The following DNAH2 variants were observed in gnomAD, a reference collection of about 807,000 sequenced individuals.
The protein encoded by DNAH2 is dynein axonemal heavy chain 2, also known as axonemal beta dynein heavy chain 2.
Under a neutral mutation model 523.5 loss-of-function variants are expected in DNAH2, and 323 were observed. The observed-to-expected ratio is 0.62, with a 90% CI of 0.56 to 0.68. DNAH2 has a LOEUF of 0.68. Ranked by LOEUF, DNAH2 falls within the 30% of genes least tolerant of loss-of-function variation. The pLI is 0.00. For synonymous variants in DNAH2, 2,093 were observed against 2,177.4 expected, an observed-to-expected ratio of 0.96 and a Z score of 1.08; for missense variants, 4,907 against 5,701.5, an observed-to-expected ratio of 0.86 and a Z score of 4.49.
In DNAH2 at chr17:7,833,380, C is replaced by T. The variant is rs2078250124; in HGVS notation, c.13131C>T (p.Gly4377=). 2 of 1,613,898 alleles carry T rather than the reference C, an allele frequency of 1.2e-6. No individual in the cohort carries two copies. Among genetic ancestry groups the T allele is most frequent in the African/African-American group, 2.7e-5 (2 of 74,940 alleles). The stretch of plus-strand genomic sequence containing the variant: ...GACTTCTCCTCTCCTTTCCCCCAGG[C>T]ATGTACTCCTGCCCCTGCTATTACT... ...PAESRKKSAK[G]MYSCPCYYYP... The change falls in exon 86 of 86, where the codon GGC becomes GGT. Residue 4377 remains glycine (G), a splice_region_variant and synonymous_variant. Coordinates refer to ENST00000572933, the MANE Select transcript of DNAH2 (RefSeq NM_020877.5).
At chr17:7,755,306 G>A (rs2075805696) in intron 12 of DNAH2, among the ~76,000 whole-genome samples, 1 of 150,092 alleles carries the variant, frequency 6.7e-6, no homozygotes, top group Non-Finnish European at 1.5e-5. Context: ...GAGTCACGGT[G>A]GTGCCAAGCT....
In DNAH2 at chr17:7,754,250, C is replaced by T. The variant is rs985953448; in HGVS notation, c.1905-2841C>T. On this transcript the variant is annotated intron_variant, in intron 12 of 85. Transcript: ENST00000572933. This position sits in a 1 kb window ranked among gnomAD's most constrained non-coding sequence, Gnocchi z 4.6. ...TTAATATTGTAGAAACTTGGCCAAACTTAAATGATGGGAAGGAACTAGTAG... is the reference window on the plus strand; with the variant it reads ...TTAATATTGTAGAAACTTGGCCAAATTTAAATGATGGGAAGGAACTAGTAG... The T allele has an allele frequency of 4.0e-6, 1 of 250,060 alleles. No individual in the cohort carries two copies. The highest frequency in any genetic ancestry group is 2.2e-5 in the African/African-American group (1 of 44,570). The allele number at this position is 250,060 out of a possible 1,614,324, so 15.5% of individuals were successfully genotyped here. A position where few individuals can be genotyped will look rare whatever the true frequency, so the allele number is the denominator to read the frequency against.
chr17:7,818,428 A>G lies in DNAH2; in HGVS notation c.10504A>G (p.Thr3502Ala), dbSNP rs777970637. 6.2e-7 allele frequency: 1 copy of G among 1,614,232 alleles called. No individual in the cohort carries two copies. The highest frequency in any genetic ancestry group is 8.5e-7 in the Non-Finnish European group (1 of 1,180,032). Residue 3502 changes from threonine to alanine, a missense_variant, in exon 69 of 86, where the codon ACC becomes GCC. By Grantham distance (58) the Thr-to-Ala change is moderately conservative. Transcript: ENST00000572933. ...CTACAGCCCAGAGACCTCAGCCAAG[A>G]CCACCATCGTCAACTTTGCTGTTAA... ...PHYSPETSAKTTIVNFAVKEQ... is the reference protein window; with the variant it reads ...PHYSPETSAKATIVNFAVKEQ...
At chr17:7,750,779 C>A (rs2075660405) in intron 12 of DNAH2, among the ~76,000 whole-genome samples, 1 of 151,892 alleles carries the variant, frequency 6.6e-6, no homozygotes, top group South Asian at 2.1e-4. Flanking sequence ...GAAAAAACAG[C>A]ATTTCTTCTT....
intron 33 of DNAH2, 96 bp from the exon 34 acceptor site, chr17:7,777,981 C>A: frequency 8.5e-7 from 1 of 1,173,002 alleles, no homozygotes; most frequent in Non-Finnish European, 1.3e-6. Context: ...TCACTGCAGC[C>A]TCCCTGACAA....
chr17:7,751,917 T>TGGGG lies in DNAH2; in HGVS notation c.1905-5173_1905-5170dup, dbSNP rs546310571. Among the ~76,000 whole-genome samples the TGGGG allele has an allele frequency of 1.5e-3, 116 of 75,484 alleles. 1 individual carries two copies. Among genetic ancestry groups the TGGGG allele is most frequent in the East Asian group, 0.015 (10 of 678 alleles). 49.5% of individuals were successfully genotyped at this position (75,484 alleles called of 152,430 possible). A position where few individuals can be genotyped will look rare whatever the true frequency, so the allele number is the denominator to read the frequency against. On this transcript the variant is annotated intron_variant, in intron 12 of 85. Transcript: ENST00000572933. ...TTTTGAGTCTTTCCAAGAATAGTTGTGGGGTGTGTGTGTGTGTGTGTGTGT... is the reference window on the plus strand; with the variant it reads ...TTTTGAGTCTTTCCAAGAATAGTTGTGGGGGGGGTGTGTGTGTGTGTGTGTGTGT...
chr17:7,765,903 C>G (rs753686042), intron 21 of DNAH2, among the ~76,000 whole-genome samples: 1 of 151,990 alleles, frequency 6.6e-6, no homozygotes, highest in Non-Finnish European at 1.5e-5. Flanking sequence ...TCAGCCTCCC[C>G]GAGTAGCTGG....
At position 7,831,356 on chromosome 17, in the gene DNAH2, AG is replaced by A. The variant is rs1406577230; in HGVS notation, c.12460-29del. 1 of 1,613,972 alleles carries A rather than the reference AG, an allele frequency of 6.2e-7. No individual in the cohort carries two copies. Among genetic ancestry groups the A allele is most frequent in the African/African-American group, 1.3e-5 (1 of 75,018 alleles). On this transcript the variant is annotated intron_variant, in intron 80 of 85. Transcript: ENST00000572933. This position sits in a 1 kb window ranked among gnomAD's most constrained non-coding sequence, Gnocchi z 4.2. ...CTGGGGGAGGGAAAGTGATGAGAAG[AG>A]GGGGCTACACTCAAGAGCTCCTGCC...
At position 7,816,738 on chromosome 17, in the gene DNAH2, G is replaced by A. The variant is rs370712466; in HGVS notation, c.9894+3G>A. 6.8e-6 allele frequency: 11 copies of A among 1,613,104 alleles called. No homozygotes were observed. The highest frequency in any genetic ancestry group is 3.7e-4 in the Middle Eastern group (2 of 5,376). The stretch of plus-strand genomic sequence containing the variant: ...CCAGATGGGAGGAGACAGTCCAGGT[G>A]AGATCAGCTGTACTACCTGGTGTCC... On this transcript the variant is annotated splice_donor_region_variant and intron_variant, in intron 64 of 85. Transcript: ENST00000572933.
intron 4 of DNAH2, among the ~76,000 whole-genome samples, chr17:7,731,151 A>T (rs925553742): frequency 2.0e-5 from 3 of 151,688 alleles, no homozygotes; most frequent in Non-Finnish European, 4.4e-5. Context: ...ATTAAATTAA[A>T]TTAAATTAAA....
At chr17:7,765,038 C>T (rs762396989) in intron 20 of DNAH2, among the ~76,000 whole-genome samples, 17 of 151,588 alleles carry the variant, frequency 1.1e-4, no homozygotes, top group East Asian at 1.9e-4. Context: ...GGATCACAGG[C>T]GTGAGCCACC....
At chr17:7,734,084 T>C in intron 5 of DNAH2, 99 bp from the exon 6 acceptor site, 2 of 1,023,278 alleles carry the variant, frequency 2.0e-6, no homozygotes, top group Non-Finnish European at 2.8e-6. Flanking sequence ...CTGAAATGCA[T>C]ATGCTTCCTG....
Position 7,818,901 on chromosome 17 carries a change from C to T in DNAH2, c.10671-18C>T, listed in dbSNP as rs199528207. ...CCCGCTAACCCCTTGCTCCATGTGCCTCTGGGCCTCCCCCTAGGCTGCTGA... is the reference window on the plus strand; with the variant it reads ...CCCGCTAACCCCTTGCTCCATGTGCTTCTGGGCCTCCCCCTAGGCTGCTGA... On this transcript the variant is annotated intron_variant, in intron 70 of 85. Coordinates refer to ENST00000572933, the MANE Select transcript of DNAH2 (RefSeq NM_020877.5). The T allele has an allele frequency of 1.9e-6, 3 of 1,609,678 alleles. No homozygotes were observed. Among genetic ancestry groups the T allele is most frequent in the African/African-American group, 1.3e-5 (1 of 74,968 alleles).
rs746570252 is a variant in DNAH2, at chr17:7,786,274, T to C, written c.6280T>C (p.Trp2094Arg). 4 of 1,614,024 alleles carry C rather than the reference T, an allele frequency of 2.5e-6. No individual in the cohort carries two copies. The highest frequency in any genetic ancestry group is 2.5e-6 in the Non-Finnish European group (3 of 1,180,010). ...GCTGSGKTAS[W>R]RILQASLSSL... ...CACGGGCAGCGGCAAGACTGCCTCA[T>C]GGCGCATTCTACAGGCCTCCCTGTC... The change falls in exon 40 of 86, where the codon TGG becomes CGG. Residue 2094 changes from tryptophan to arginine, a missense_variant. By Grantham distance (101) the Trp-to-Arg change is moderately radical. Coordinates refer to ENST00000572933, the MANE Select transcript of DNAH2 (RefSeq NM_020877.5). This position sits in a 1 kb window ranked among gnomAD's most constrained non-coding sequence, Gnocchi z 7.5.
chr17:7,830,225 A>G, intron 77 of DNAH2, 75 bp from the exon 78 acceptor site: 3 of 1,503,258 alleles, frequency 2.0e-6, no homozygotes, highest in Non-Finnish European at 2.7e-6. Context: ...AACCTCCACA[A>G]CTGTACATGG....
chr17:7,814,025 T>C (rs1419111261), intron 63 of DNAH2, among the ~76,000 whole-genome samples: 1 of 152,116 alleles, frequency 6.6e-6, no homozygotes, highest in African/African-American at 2.4e-5. Context: ...ATTTTCTTTA[T>C]ATATAAATGA....
At chr17:7,738,824 C>G in intron 8 of DNAH2, 5 of 600,640 alleles carry the variant, frequency 8.3e-6, no homozygotes, top group Non-Finnish European at 1.5e-5. Context: ...TTCTCGGGGT[C>G]TGATTTTTCT....
rs1297100385 is a variant in DNAH2, at chr17:7,759,870, T to A, written c.2717T>A (p.Val906Asp). The change falls in exon 17 of 86, where the codon GTC (valine) becomes GAC (aspartate). Residue 906 changes from valine to aspartate, a missense_variant. This residue lies in a region of DNAH2 where 2,806 missense variants were observed against 3,190.8 expected (regional missense o/e 0.88). Transcript: ENST00000572933. The part of the protein sequence containing the change: ...IGNHLFSTIS[V>D]FCHLPDILTK... ...AACCACCTCTTTTCCACCATCTCTG[T>A]CTTCTGCCACCTCCCTGACATTCTC... is the stretch of plus-strand genomic sequence containing the variant. 6.2e-7 allele frequency: 1 copy of A among 1,614,194 alleles called. No individual in the cohort carries two copies. Among genetic ancestry groups the A allele is most frequent in the South Asian group, 1.1e-5 (1 of 91,088 alleles).
chr17:7,770,939 G>A lies in DNAH2; in HGVS notation c.4362+6G>A. 2 of 1,612,626 alleles carry A rather than the reference G, an allele frequency of 1.2e-6. No individual in the cohort carries two copies. Among genetic ancestry groups the A allele is most frequent in the Non-Finnish European group, 1.7e-6 (2 of 1,179,612 alleles). ...GTCAGTGGATGTACTTAGAGGTCAGGACTCAGCGCCTGAGCTCTTCCTGCT... is the reference window on the plus strand; with the variant it reads ...GTCAGTGGATGTACTTAGAGGTCAGAACTCAGCGCCTGAGCTCTTCCTGCT... On this transcript the variant is annotated splice_donor_region_variant and intron_variant, in intron 27 of 85. Coordinates refer to ENST00000572933, the MANE Select transcript of DNAH2 (RefSeq NM_020877.5).
Sources: allele counts gnomAD v4.1 joint callset (sites outside exome capture counted in the v4.1 genomes callset), GRCh38; gene constraint gnomAD v4.1.1; regional missense constraint gnomAD v4.1.1; non-coding constraint Gnocchi (gnomAD v3.1); transcripts MANE v1.5; gene names NCBI Gene and HGNC (gene_info 2026-07-23, HGNC 2026-07-21).